The following CCDC73 variants were observed in gnomAD, a reference collection of about 807,000 sequenced individuals.
CCDC73 encodes coiled-coil domain containing 73.
A neutral mutation model predicts 116.5 loss-of-function variants in CCDC73; 95 were observed. The observed-to-expected ratio is 0.82, with a 90% CI of 0.69 to 0.97. The LOEUF (loss-of-function observed/expected upper bound fraction) is 0.97. CCDC73 is among the 50% of genes least tolerant of loss of function. The pLI, the probability that CCDC73 is intolerant of heterozygous loss-of-function variation, is 0.00. For missense variants in CCDC73, 1,066 were observed against 1,206.8 expected, an observed-to-expected ratio of 0.88 and a Z score of 1.73; for synonymous variants, 398 against 401.3, an observed-to-expected ratio of 0.99 and a Z score of 0.10.
intron 1 of CCDC73, among the ~76,000 whole-genome samples, chr11:32,762,933 G>A (rs953164097): frequency 5.3e-5 from 8 of 152,186 alleles, no homozygotes; most frequent in Non-Finnish European, 7.4e-5. Flanking sequence ...CCTAGCAAAC[G>A]GCACACCAGG....
the CCDC73 span, among the ~76,000 whole-genome samples, chr11:32,819,333 A>G: frequency 7.2e-5 from 11 of 152,200 alleles, no homozygotes; most frequent in African/African-American, 1.4e-4. Context: ...AGGCCCAAAT[A>G]AAAACAAGAG....
intron 1 of CCDC73, among the ~76,000 whole-genome samples, chr11:32,765,474 C>T (rs561014489): frequency 2.0e-5 from 3 of 152,172 alleles, no homozygotes; most frequent in Non-Finnish European, 4.4e-5. Flanking sequence ...CAAAACTGCT[C>T]GACCACGTGG....
chr11:32,638,713 G>A (rs1199831335), intron 13 of CCDC73, among the ~76,000 whole-genome samples: 1 of 151,954 alleles, frequency 6.6e-6, no homozygotes, highest in East Asian at 2.0e-4. Context: ...TCCTGACCTC[G>A]TGATCCGCCC....
At chr11:32,736,096 A>G (rs1301962965) in intron 2 of CCDC73, among the ~76,000 whole-genome samples, 1 of 152,198 alleles carries the variant, frequency 6.6e-6, no homozygotes. Flanking sequence ...GGACATAGGC[A>G]TGGGCAAGGA....
At chr11:32,611,826 T>A (rs569247780) in intron 16 of CCDC73, among the ~76,000 whole-genome samples, 1 of 152,158 alleles carries the variant, frequency 6.6e-6, no homozygotes, top group African/African-American at 2.4e-5. Flanking sequence ...TTAAGAGTAT[T>A]TTACAAGTTG....
rs567432594 is a variant in CCDC73 at position 32,778,641 on chromosome 11, G to A, written c.-16+15972C>T. Among the ~76,000 whole-genome samples the A allele has an allele frequency of 9.2e-5, 14 of 152,006 alleles. No homozygotes were observed. The East Asian group carries it at 1.4e-3, about 15-fold the overall frequency. On this transcript the variant is annotated intron_variant, in intron 1 of 17. Transcript: ENST00000335185. The stretch of plus-strand genomic sequence containing the variant: ...AGCCTGGCCAACATGGTGAAACCCC[G>A]TCTCTACTAAAAATACAAAAATGGG...
chr11:32,698,630 C>T (rs1849779639), intron 6 of CCDC73, among the ~76,000 whole-genome samples: 1 of 152,126 alleles, frequency 6.6e-6, no homozygotes, highest in African/African-American at 2.4e-5. Flanking sequence ...TATCGTCTTC[C>T]CAACAATCAT....
At chr11:32,705,686 G>A (rs890283488) in intron 3 of CCDC73, among the ~76,000 whole-genome samples, 4 of 152,172 alleles carry the variant, frequency 2.6e-5, no homozygotes, top group Non-Finnish European at 5.9e-5. Flanking sequence ...CAGCCACAGA[G>A]CTTTCTGGCT....
the CCDC73 span, among the ~76,000 whole-genome samples, chr11:32,820,548 A>G: frequency 2.4e-4 from 37 of 152,232 alleles, no homozygotes; most frequent in Non-Finnish European, 4.7e-4. Context: ...CTCATGAGAT[A>G]TCTTTATAAA....
chr11:32,755,536 AATATATAT>A (rs375204188), intron 2 of CCDC73, among the ~76,000 whole-genome samples: 12 of 59,928 alleles, frequency 2.0e-4, no homozygotes, highest in African/African-American at 5.7e-4. Flanking sequence ...TCCATCTCAA[AATATATAT>A]ATATATATAT....
intron 17 of CCDC73, among the ~76,000 whole-genome samples, chr11:32,606,703 T>C (rs1855355403): frequency 6.6e-6 from 1 of 152,140 alleles, no homozygotes; most frequent in Non-Finnish European, 1.5e-5. Flanking sequence ...ACATATTGTG[T>C]CTTAATGACC....
the CCDC73 span, chr11:32,830,489 T>A: frequency 1.2e-5 from 17 of 1,439,730 alleles, no homozygotes; most frequent in Middle Eastern, 2.1e-4. Flanking sequence ...TTTTTAATAT[T>A]TTTTTTTGTT....
At chr11:32,652,487 G>A (rs946724951) in intron 12 of CCDC73, among the ~76,000 whole-genome samples, 1 of 152,066 alleles carries the variant, frequency 6.6e-6, no homozygotes, top group Admixed American at 6.5e-5. Flanking sequence ...TCCCCTTCTT[G>A]TATCTCAATC....
At chr11:32,685,836 C>T (rs767650330) in intron 6 of CCDC73, among the ~76,000 whole-genome samples, 2 of 151,224 alleles carry the variant, frequency 1.3e-5, no homozygotes, top group Non-Finnish European at 2.9e-5. Flanking sequence ...ATTCTCCTGC[C>T]TCAGCCTCCC....
chr11:32,645,055 T>A (rs959207752), intron 12 of CCDC73, among the ~76,000 whole-genome samples: 1 of 152,068 alleles, frequency 6.6e-6, no homozygotes, highest in African/African-American at 2.4e-5. Context: ...AAAGCCACTG[T>A]AAATATTATA....
chr11:32,606,882 C>T (rs1335973568), intron 17 of CCDC73, among the ~76,000 whole-genome samples: 5 of 141,786 alleles, frequency 3.5e-5, no homozygotes, highest in Non-Finnish European at 7.5e-5. Flanking sequence ...ACAATCGGCT[C>T]ACTGCAACTT....
chr11:32,794,271 A>G (rs920306407), intron 1 of CCDC73: 2 of 152,182 alleles, frequency 1.3e-5, no homozygotes, highest in African/African-American at 4.8e-5. Context: ...GAGGTTTAAA[A>G]CAAAAACCAC....
At chr11:32,763,758 A>G (rs1025227988) in intron 1 of CCDC73, among the ~76,000 whole-genome samples, 1 of 152,240 alleles carries the variant, frequency 6.6e-6, no homozygotes, top group Non-Finnish European at 1.5e-5. Context: ...AACAAAGCTG[A>G]ATGGAGAATG....
chr11:32,619,824 G>C lies in CCDC73; in HGVS notation c.1186-3695C>G, dbSNP rs572443972. Among the ~76,000 whole-genome samples the C allele has an allele frequency of 1.0e-4, 15 of 145,100 alleles. No homozygotes were observed. The East Asian group carries it at 3.2e-3, about 31-fold the overall frequency. On this transcript the variant is annotated intron_variant, in intron 14 of 17. Transcript: ENST00000335185. ...AAAAGGAGGAGGTGAAGAAGGAGAA[G>C]GAGAAGAAGAATGAGGAAGAGGAGG...
Sources: gnomAD v4.1 joint callset for allele counts (sites outside exome capture counted in the v4.1 genomes callset) on GRCh38, gnomAD v4.1.1 for gene constraint, MANE v1.5 for transcripts, NCBI Gene and HGNC (gene_info 2026-07-23, HGNC 2026-07-21) for gene names.